AGO3: variants seen among roughly 807,000 people sequenced by gnomAD.
AGO3 encodes the protein protein argonaute-3.
AGO3 carries 16 observed loss-of-function variants against 105.5 expected under a neutral mutation model. The ratio of observed to expected loss-of-function variants is 0.15; its 90% CI spans 0.10 to 0.23. AGO3 has a LOEUF of 0.23. AGO3 is among the 10% of genes least tolerant of loss of function. The pLI is 1.00. For missense variants in AGO3, 534 were observed against 1,088.0 expected, an observed-to-expected ratio of 0.49 and a Z score of 7.16; for synonymous variants, 340 against 367.3, an observed-to-expected ratio of 0.93 and a Z score of 0.85.
At chr1:36,048,160 A>G (rs1484566167) in intron 17 of AGO3, among the ~76,000 whole-genome samples, 2 of 152,138 alleles carry the variant, frequency 1.3e-5, no homozygotes, top group African/African-American at 4.8e-5. Context: ...GCTGAAAAAA[A>G]AAATTGTCAG....
chr1:36,000,840 GTCTC>G (rs1238101382), intron 5 of AGO3, among the ~76,000 whole-genome samples: 1 of 151,420 alleles, frequency 6.6e-6, no homozygotes, highest in Non-Finnish European at 1.5e-5. Context: ...AATCTTAACA[GTCTC>G]TCTTTTTTTT....
chr1:36,019,701 C>T (rs926004937), intron 11 of AGO3, among the ~76,000 whole-genome samples: 1 of 152,166 alleles, frequency 6.6e-6, no homozygotes, highest in Non-Finnish European at 1.5e-5. Flanking sequence ...ACAAACTATA[C>T]ATTGGTCATA....
rs1643152876 is a variant in AGO3, at chr1:36,070,857, C to CT, written c.*15113dup. The CT allele has an allele frequency of 6.6e-6, 1 of 152,156 alleles. No homozygotes were observed. Among genetic ancestry groups the CT allele is most frequent in the Non-Finnish European group, 1.5e-5 (1 of 68,036 alleles). 9.4% of individuals were successfully genotyped at this position (152,156 alleles called of 1,614,324 possible). On this transcript the variant is annotated 3_prime_UTR_variant, in exon 19 of 19. Transcript: ENST00000373191. ...TTGCTGTAATGTGTAGCTTTAATGT[C>CT]TCTTTTCAGTTATGGACCCATAAAA...
At position 36,033,655 on chromosome 1, in the gene AGO3, A is replaced by G. The variant is rs935968614; in HGVS notation, c.1592-519A>G. The stretch of plus-strand genomic sequence containing the variant: ...GTGAGATCCTCTCAAAAAAAAAAAA[A>G]AAAGTTATATACACCGAAATATTTA... On this transcript the variant is annotated intron_variant, in intron 12 of 18. Coordinates refer to ENST00000373191, the MANE Select transcript of AGO3 (RefSeq NM_024852.4). 8.0e-4 allele frequency among the ~76,000 whole-genome samples: 122 copies of G among 151,920 alleles called. 1 individual carries two copies. Among genetic ancestry groups the G allele is most frequent in the African/African-American group, 2.9e-3 (120 of 41,426 alleles).
Position 36,026,519 on chromosome 1 carries a change from A to G in AGO3, c.1407-595A>G, listed in dbSNP as rs141279374. 1.5e-4 allele frequency among the ~76,000 whole-genome samples: 23 copies of G among 152,312 alleles called. No individual in the cohort carries two copies. The East Asian group carries it at 4.4e-3, about 29-fold the overall frequency. On this transcript the variant is annotated intron_variant, in intron 11 of 18. Coordinates refer to ENST00000373191, the MANE Select transcript of AGO3 (RefSeq NM_024852.4). ...ATACTATAGAAATTCTGGCTCTACC[A>G]TTTGTCTAATCATTTGAACTTTGGC...
chr1:36,015,581 T>C (rs937314283), intron 11 of AGO3, among the ~76,000 whole-genome samples: 1 of 152,214 alleles, frequency 6.6e-6, no homozygotes, highest in African/African-American at 2.4e-5. Flanking sequence ...TACCAGCCGT[T>C]AGGCAATCAG....
Position 36,064,398 on chromosome 1 carries a change from A to G in AGO3, c.*8653A>G, listed in dbSNP as rs550590420. On this transcript the variant is annotated 3_prime_UTR_variant, in exon 19 of 19. Coordinates refer to ENST00000373191, the MANE Select transcript of AGO3 (RefSeq NM_024852.4). ...TCCATCTCAGAAAATAAAAATAAAA[A>G]TAAATAAAAGTACATGAAAAAAGTA... 2 of 152,390 alleles carry G rather than the reference A, an allele frequency of 1.3e-5. No homozygotes were observed. The highest frequency in any genetic ancestry group is 4.8e-5 in the African/African-American group (2 of 41,592). 9.4% of individuals were successfully genotyped at this position (152,390 alleles called of 1,614,324 possible).
upstream of AGO3, chr1:35,931,026 G>C (rs1374131728): frequency 5.4e-5 from 20 of 370,752 alleles, no homozygotes; most frequent in East Asian, 7.5e-4. Context: ...CACGGCTCGG[G>C]GCCCAGAGGC....
At position 36,008,711 on chromosome 1, in the gene AGO3, A is replaced by G. The variant is rs768720654; in HGVS notation, c.815A>G (p.His272Arg). The G allele has an allele frequency of 1.2e-6, 2 of 1,614,148 alleles. No homozygotes were observed. Among genetic ancestry groups the G allele is most frequent in the Non-Finnish European group, 1.7e-6 (2 of 1,180,012 alleles). ...ACAGGTTTGAAGGTTGAAGTGACTC[A>G]TTGTGGAACAATGAGACGGAAATAC... ...EIKGLKVEVTHCGTMRRKYRV... is the reference protein window; with the variant it reads ...EIKGLKVEVTRCGTMRRKYRV... Residue 272 changes from histidine (H) to arginine (R), a missense_variant, in exon 7 of 19, where the codon CAT becomes CGT. Around this residue, in one of 2 missense-constraint regions of AGO3, gnomAD observed 373 missense variants for 854.0 expected, o/e 0.44. Coordinates refer to ENST00000373191, the MANE Select transcript of AGO3 (RefSeq NM_024852.4). The surrounding 1 kb of genome is among the most constrained non-coding windows in gnomAD (Gnocchi z 5.1).
chr1:36,055,757 A>G lies in AGO3; in HGVS notation c.*12A>G. 6.2e-7 allele frequency: 1 copy of G among 1,611,496 alleles called. No homozygotes were observed. Reference sequence around the variant, plus strand: ...TGTACTTCGCTTAAATAGTCCAAGTATATTCTCTGAGAGGAAGTACTGAAA... The same window carrying G: ...TGTACTTCGCTTAAATAGTCCAAGTGTATTCTCTGAGAGGAAGTACTGAAA... On this transcript the variant is annotated 3_prime_UTR_variant, in exon 19 of 19. Coordinates refer to ENST00000373191, the MANE Select transcript of AGO3 (RefSeq NM_024852.4). The surrounding 1 kb of genome is among the most constrained non-coding windows in gnomAD (Gnocchi z 4.4).
rs1316788216 is a variant in AGO3, at chr1:36,068,277, T to C, written c.*12532T>C. 1 of 152,244 alleles carries C rather than the reference T, an allele frequency of 6.6e-6. No homozygotes were observed. Among genetic ancestry groups the C allele is most frequent in the Non-Finnish European group, 1.5e-5 (1 of 68,046 alleles). 9.4% of individuals were successfully genotyped at this position (152,244 alleles called of 1,614,324 possible). A position where few individuals can be genotyped will look rare whatever the true frequency, so the allele number is the denominator to read the frequency against. The stretch of plus-strand genomic sequence containing the variant: ...GAAAGTATTAATGTTGCAAGTATTA[T>C]CTCTAGCCATGGAATTTTTTGCTGG... On this transcript the variant is annotated 3_prime_UTR_variant, in exon 19 of 19. Transcript: ENST00000373191.
chr1:35,970,560 C>G (rs987298550), intron 3 of AGO3, among the ~76,000 whole-genome samples: 2 of 151,974 alleles, frequency 1.3e-5, no homozygotes, highest in African/African-American at 4.8e-5. Flanking sequence ...TTTCTCTACC[C>G]CTAGAATTAA....
Position 36,064,616 on chromosome 1 carries a change from A to C in AGO3, c.*8871A>C, listed in dbSNP as rs1461847098. The C allele has an allele frequency of 6.6e-6, 1 of 152,170 alleles. No individual in the cohort carries two copies. The highest frequency in any genetic ancestry group is 1.5e-5 in the Non-Finnish European group (1 of 68,036). 9.4% of individuals were successfully genotyped at this position (152,170 alleles called of 1,614,324 possible). On this transcript the variant is annotated 3_prime_UTR_variant, in exon 19 of 19. Coordinates refer to ENST00000373191, the MANE Select transcript of AGO3 (RefSeq NM_024852.4). ...TCCACTGAGAGGCAAGGAAATGGGA[A>C]AGTGTCAGGTAATTATAAATGGGAA...
chr1:36,043,380 T>A (rs1462224235), intron 16 of AGO3, 67 bp from the exon 17 acceptor site: 22 of 1,291,988 alleles, frequency 1.7e-5, no homozygotes, highest in Non-Finnish European at 8.9e-6. Flanking sequence ...CATACATTTT[T>A]TAAAGTGCTT....
intron 5 of AGO3, among the ~76,000 whole-genome samples, chr1:35,986,044 T>C (rs1647167992): frequency 6.6e-6 from 1 of 152,162 alleles, no homozygotes. Context: ...TTGCAAAAAG[T>C]GCAAGGTGAA....
chr1:35,980,348 A>G (rs1647031506), intron 5 of AGO3, among the ~76,000 whole-genome samples: 1 of 152,178 alleles, frequency 6.6e-6, no homozygotes, highest in Non-Finnish European at 1.5e-5. Flanking sequence ...TACTTTTCAT[A>G]TATTCTACTC....
chr1:35,979,751 A>T (rs146931707), intron 5 of AGO3, among the ~76,000 whole-genome samples: 1 of 152,108 alleles, frequency 6.6e-6, no homozygotes, highest in African/African-American at 2.4e-5. Flanking sequence ...TTTTTGACCA[A>T]AATTCTACAT....
At chr1:35,992,703 T>C (rs1292853143) in intron 5 of AGO3, among the ~76,000 whole-genome samples, 1 of 152,206 alleles carries the variant, frequency 6.6e-6, no homozygotes, top group Non-Finnish European at 1.5e-5. Flanking sequence ...TAATAAATGT[T>C]TGGATGGTTA....
chr1:35,938,113 TG>T (rs752891367), intron 1 of AGO3, among the ~76,000 whole-genome samples: 1 of 151,778 alleles, frequency 6.6e-6, no homozygotes, highest in Non-Finnish European at 1.5e-5. Context: ...CCCTAGTAGC[TG>T]GGATTACAGG....
Sources: gnomAD v4.1 joint callset for allele counts (sites outside exome capture counted in the v4.1 genomes callset) on GRCh38, gnomAD v4.1.1 for gene constraint, gnomAD v4.1.1 regional missense constraint, Gnocchi (gnomAD v3.1) non-coding constraint, MANE v1.5 for transcripts, NCBI Gene and HGNC (gene_info 2026-07-23, HGNC 2026-07-21) for gene names.